Variants in DGKH observed in about 807,000 individuals in gnomAD.
The protein encoded by DGKH is diacylglycerol kinase eta, also known as DAG kinase eta.
DGKH carries 90 observed loss-of-function variants against 159.3 expected under a neutral mutation model. That is an observed-to-expected ratio of 0.57 (90% CI 0.48 to 0.67). The LOEUF (loss-of-function observed/expected upper bound fraction) is 0.67, where lower values mean the gene tolerates loss of function less well. Ranked by LOEUF, DGKH falls within the 30% of genes least tolerant of loss-of-function variation. The probability of loss-of-function intolerance (pLI) is 0.00; values close to 1 mark genes in which losing one functional copy is unlikely to be tolerated. For synonymous variants in DGKH, 536 were observed against 553.8 expected, an observed-to-expected ratio of 0.97 and a Z score of 0.45; for missense variants, 1,181 against 1,506.1, an observed-to-expected ratio of 0.78 and a Z score of 3.57.
At position 42,166,581 on chromosome 13, in the gene DGKH, G is replaced by T; in HGVS notation, c.1025G>T (p.Gly342Val). The T allele has an allele frequency of 6.2e-7, 1 of 1,609,060 alleles. No individual in the cohort carries two copies. Residue 342 changes from glycine to valine, a missense_variant, in exon 9 of 30, where the codon GGA becomes GTA. Physicochemically the swap from Gly to Val is moderately radical, Grantham distance 109. Coordinates refer to ENST00000337343, the MANE Select transcript of DGKH (RefSeq NM_178009.5). ...TTGGTTTTTGTCAATTCTAAGAGTGGAGATAATCAGGGAGTAAAGTTCCTC... is the reference window on the plus strand; with the variant it reads ...TTGGTTTTTGTCAATTCTAAGAGTGTAGATAATCAGGGAGTAAAGTTCCTC... ...PLLVFVNSKS[G>V]DNQGVKFLRR...
chr13:42,241,583 A>G lies in DGKH; in HGVS notation c.*12395A>G, dbSNP rs774440799. The G allele has an allele frequency of 1.3e-5, 2 of 152,238 alleles. No homozygotes were observed. Among genetic ancestry groups the G allele is most frequent in the Non-Finnish European group, 2.9e-5 (2 of 68,038 alleles). The allele number at this position is 152,238 out of a possible 1,614,324, so 9.4% of individuals were successfully genotyped here. On this transcript the variant is annotated 3_prime_UTR_variant, in exon 30 of 30. Coordinates refer to ENST00000337343, the MANE Select transcript of DGKH (RefSeq NM_178009.5). Reference sequence around the variant, plus strand: ...CATTTAAAGTTTATTTTGGGAAGGCATATATGCCTTTTGATGACACACACA... The same window carrying G: ...CATTTAAAGTTTATTTTGGGAAGGCGTATATGCCTTTTGATGACACACACA...
intron 29 of DGKH, 112 bp from the exon 30 acceptor site, chr13:42,228,987 A>G (rs1297279648): frequency 2.4e-6 from 2 of 850,784 alleles, no homozygotes; most frequent in South Asian, 1.7e-5. Context: ...TTAATCCCCA[A>G]TTTTCTATTT....
chr13:42,251,783 G>A (rs238326), intron 29 of DGKH, among the ~76,000 whole-genome samples: 150,183 of 152,322 alleles, frequency 0.99, 74,061 homozygotes, highest in East Asian at 1. Flanking sequence ...AGTGTATAAT[G>A]CTTAGATATT....
intron 1 of DGKH, among the ~76,000 whole-genome samples, chr13:42,111,075 A>C (rs1954854675): frequency 6.6e-6 from 1 of 152,224 alleles, no homozygotes; most frequent in Non-Finnish European, 1.5e-5. Context: ...TAAAAAAAGA[A>C]AAATACATTC....
intron 18 of DGKH, 51 bp downstream of exon 18, chr13:42,198,646 T>C: frequency 1.3e-6 from 2 of 1,481,904 alleles, no homozygotes; most frequent in Non-Finnish European, 9.3e-7. Context: ...TTGTTTTTTT[T>C]TTTTTTCAAC....
chr13:42,075,382 A>G (rs1031611133), intron 1 of DGKH, among the ~76,000 whole-genome samples: 25 of 152,242 alleles, frequency 1.6e-4, no homozygotes, highest in African/African-American at 5.5e-4. Context: ...TTTCATCATG[A>G]AAGTGTGTCT....
rs12584831 is a variant in DGKH, at chr13:42,118,686, A to G, written c.193-8777A>G. ...AGATGAATAGATTTCAAGACAGACA[A>G]GTGGAGCAGAGGATATTTAGGGCAG... On this transcript the variant is annotated intron_variant, in intron 1 of 29. Transcript: ENST00000337343. Among the ~76,000 whole-genome samples, 22 of 152,306 alleles carry G rather than the reference A, an allele frequency of 1.4e-4. No individual in the cohort carries two copies. In the East Asian group the frequency reaches 4.1e-3, roughly 28 times the overall value.
At chr13:42,050,767 G>A (rs564676517) in intron 1 of DGKH, among the ~76,000 whole-genome samples, 2 of 152,088 alleles carry the variant, frequency 1.3e-5, no homozygotes, top group Non-Finnish European at 2.9e-5. Flanking sequence ...AGGTACCTGA[G>A]GATCACTTGA....
intron 28 of DGKH, among the ~76,000 whole-genome samples, 155 bp downstream of exon 28, chr13:42,219,949 A>C (rs1021799477): frequency 1.3e-5 from 2 of 152,218 alleles, no homozygotes; most frequent in African/African-American, 4.8e-5. Context: ...ATGCTTTAAA[A>C]TGGTTAAAAT....
At chr13:42,089,459 G>A (rs180947190) in intron 1 of DGKH, among the ~76,000 whole-genome samples, 33 of 152,252 alleles carry the variant, frequency 2.2e-4, no homozygotes, top group African/African-American at 7.7e-4. Flanking sequence ...AGTTCTGGAG[G>A]TCTGAAGTCC....
At chr13:42,125,938 T>TCCGGGAAGCGGAGCTTGC (rs1566114635) in intron 1 of DGKH, among the ~76,000 whole-genome samples, 1 of 152,198 alleles carries the variant, frequency 6.6e-6, no homozygotes, top group Admixed American at 6.6e-5. Flanking sequence ...ATTTTGGTTC[T>TCCGGGAAGCGGAGCTTGC]ACAAGCTGTT....
chr13:42,180,467 AG>A (rs1956722500), intron 13 of DGKH, among the ~76,000 whole-genome samples: 2 of 152,372 alleles, frequency 1.3e-5, no homozygotes, highest in South Asian at 4.1e-4. Context: ...TGGAACTGCT[AG>A]GATAATTAAG....
chr13:42,111,938 A>G (rs1954869968), intron 1 of DGKH, among the ~76,000 whole-genome samples: 1 of 152,172 alleles, frequency 6.6e-6, no homozygotes, highest in African/African-American at 2.4e-5. Flanking sequence ...TGAGCATGGC[A>G]GGATGGAATA....
At chr13:42,207,094 T>TTTCC in intron 21 of DGKH, among the ~76,000 whole-genome samples, 2 of 137,412 alleles carry the variant, frequency 1.5e-5, no homozygotes, top group Non-Finnish European at 3.1e-5. Flanking sequence ...TCTTTCTTTC[T>TTTCC]TTCTTTCTTT....
chr13:42,242,210 T>C lies in DGKH; in HGVS notation c.*13022T>C, dbSNP rs1958527148. 1 of 152,256 alleles carries C rather than the reference T, an allele frequency of 6.6e-6. No homozygotes were observed. The highest frequency in any genetic ancestry group is 6.5e-5 in the Admixed American group (1 of 15,288). 9.4% of individuals were successfully genotyped at this position (152,256 alleles called of 1,614,324 possible). ...ATCATTTGCCTCTTGTTTATTATCA[T>C]GTTGAAAACACAACAGTATAGTTCC... On this transcript the variant is annotated 3_prime_UTR_variant, in exon 30 of 30. Coordinates refer to ENST00000337343, the MANE Select transcript of DGKH (RefSeq NM_178009.5).
intron 3 of DGKH, among the ~76,000 whole-genome samples, chr13:42,131,751 T>C (rs1955295877): frequency 6.6e-6 from 1 of 152,188 alleles, no homozygotes; most frequent in South Asian, 2.1e-4. Flanking sequence ...GTTGGTGGTT[T>C]ATAGGGCATA....
chr13:42,198,636 TTG>T, intron 18 of DGKH, 41 bp downstream of exon 18: 1 of 1,471,960 alleles, frequency 6.8e-7, no homozygotes, highest in Non-Finnish European at 9.1e-7. Flanking sequence ...TGGGTTTTTC[TTG>T]TTTTTTTTTT....
chr13:42,128,407 GT>G (rs1955215183), intron 2 of DGKH, among the ~76,000 whole-genome samples: 1 of 152,056 alleles, frequency 6.6e-6, no homozygotes, highest in Non-Finnish European at 1.5e-5. Context: ...ATCTATAGAA[GT>G]AATAACCATG....
intron 3 of DGKH, among the ~76,000 whole-genome samples, chr13:42,139,160 TC>T (rs2137877241): frequency 6.6e-6 from 1 of 152,302 alleles, no homozygotes; most frequent in Non-Finnish European, 1.5e-5. Flanking sequence ...AAACCATTGG[TC>T]CTTTTGTAGC....
Sources: allele counts gnomAD v4.1 joint callset (sites outside exome capture counted in the v4.1 genomes callset), GRCh38; gene constraint gnomAD v4.1.1; transcripts MANE v1.5; gene names NCBI Gene and HGNC (gene_info 2026-07-23, HGNC 2026-07-21).